ZFHX4: variants seen among roughly 807,000 people sequenced by gnomAD.
ZFHX4 encodes the protein zinc finger homeobox 4.
ZFHX4 carries 56 observed loss-of-function variants against 267.6 expected under a neutral mutation model. The ratio of observed to expected loss-of-function variants is 0.21; its 90% CI spans 0.17 to 0.26. ZFHX4 has a LOEUF of 0.26. Ranked by LOEUF, ZFHX4 falls within the 10% of genes least tolerant of loss-of-function variation. The pLI is 1.00. For missense variants in ZFHX4, 4,332 were observed against 4,420.0 expected (o/e 0.98, Z 0.56); for synonymous variants, 1,778 against 1,665.6 (o/e 1.07, Z -1.64).
chr8:76,734,894 A>G (rs1809117089), intron 3 of ZFHX4, among the ~76,000 whole-genome samples: 1 of 152,158 alleles, frequency 6.6e-6, no homozygotes, highest in Non-Finnish European at 1.5e-5. Context: ...AAATTGCTAC[A>G]TGTGCACACA....
chr8:76,803,780 C>A (rs1811178666), intron 4 of ZFHX4, among the ~76,000 whole-genome samples: 1 of 151,970 alleles, frequency 6.6e-6, no homozygotes, highest in Non-Finnish European at 1.5e-5. Flanking sequence ...ATATTTTTGC[C>A]TTATTATGTT....
chr8:76,717,242 A>G (rs1808599777), intron 3 of ZFHX4, among the ~76,000 whole-genome samples: 1 of 152,162 alleles, frequency 6.6e-6, no homozygotes, highest in Admixed American at 6.5e-5. Flanking sequence ...GATCCATTTT[A>G]GTTACAAGAC....
intron 10 of ZFHX4, among the ~76,000 whole-genome samples, chr8:76,857,756 A>C (rs947605060): frequency 6.6e-6 from 1 of 152,116 alleles, no homozygotes; most frequent in Admixed American, 6.5e-5. Flanking sequence ...TGGAGTCTTA[A>C]ATATTAGAGC....
intron 3 of ZFHX4, among the ~76,000 whole-genome samples, chr8:76,756,876 A>C (rs2131720870): frequency 6.6e-6 from 1 of 152,284 alleles, no homozygotes; most frequent in Middle Eastern, 3.4e-3. Context: ...GCAGGGTATA[A>C]ATTGCCAAAT....
At position 76,705,330 on chromosome 8, in the gene ZFHX4, A is replaced by C. The variant is rs903893020; in HGVS notation, c.1242A>C (p.Leu414Phe). ...TGAATCTGGGGGGGCTGTCTAGTTT[A>C]GTAGTGAACACCCCAATTACCTCTG... ...AEVNLGGLSS[L>F]VVNTPITSVS... The change falls in exon 2 of 11, where the codon TTA becomes TTC. Residue 414 changes from leucine (L) to phenylalanine (F), a missense_variant. Physicochemically the swap from Leu to Phe is conservative, Grantham distance 22. Transcript: ENST00000651372. The C allele has an allele frequency of 6.2e-7, 1 of 1,613,884 alleles. No homozygotes were observed.
rs201964276 is a variant in ZFHX4 at position 76,856,260 on chromosome 8, C to G, written c.9339C>G (p.Asn3113Lys). The G allele has an allele frequency of 7.9e-5, 127 of 1,613,896 alleles. No individual in the cohort carries two copies. The Admixed American group carries it at 9.2e-4, about 12-fold the overall frequency. ...CTCCAGTCCTTCTCCCCGGAATGAA[C>G]GGTCCATCCTCCTTGCCGGGATTTC... ...GLPPVLLPGM[N>K]GPSSLPGFPQ... is the part of the protein sequence containing the mutation. The change falls in exon 10 of 11, where the codon AAC becomes AAG. Residue 3113 changes from asparagine (N) to lysine (K), a missense_variant. Coordinates refer to ENST00000651372, the MANE Select transcript of ZFHX4 (RefSeq NM_024721.5).
intron 6 of ZFHX4, among the ~76,000 whole-genome samples, chr8:76,844,549 A>G (rs1434380090): frequency 6.6e-6 from 1 of 152,116 alleles, no homozygotes; most frequent in East Asian, 1.9e-4. Flanking sequence ...TACCAGTGCC[A>G]CTTACTGCTC....
intron 3 of ZFHX4, among the ~76,000 whole-genome samples, chr8:76,716,253 C>T (rs1348905132): frequency 6.6e-6 from 1 of 152,086 alleles, no homozygotes; most frequent in Non-Finnish European, 1.5e-5. Context: ...AAAAAACCCT[C>T]CTGATGCCAG....
chr8:76,751,201 T>G (rs1436656293), intron 3 of ZFHX4, among the ~76,000 whole-genome samples: 1 of 152,160 alleles, frequency 6.6e-6, no homozygotes, highest in Non-Finnish European at 1.5e-5. Context: ...GTTAAATCTT[T>G]CTGTTCATTG....
intron 3 of ZFHX4, among the ~76,000 whole-genome samples, chr8:76,753,616 A>T: frequency 2.3e-5 from 3 of 132,562 alleles, no homozygotes; most frequent in African/African-American, 2.8e-5. Flanking sequence ...CAGTCACTTC[A>T]TTCGTCTTAG....
chr8:76,794,291 T>G (rs1180294927), intron 4 of ZFHX4, among the ~76,000 whole-genome samples: 1 of 152,144 alleles, frequency 6.6e-6, no homozygotes, highest in Non-Finnish European at 1.5e-5. Context: ...ATGCAGGTAT[T>G]TCCCAATTTT....
intron 1 of ZFHX4, among the ~76,000 whole-genome samples, chr8:76,701,072 A>G (rs1808090505): frequency 6.6e-6 from 1 of 152,176 alleles, no homozygotes; most frequent in Non-Finnish European, 1.5e-5. Flanking sequence ...CATTGACGAC[A>G]GTGAAATCAC....
chr8:76,792,106 C>T (rs1210115012), intron 4 of ZFHX4, among the ~76,000 whole-genome samples: 2 of 152,086 alleles, frequency 1.3e-5, no homozygotes, highest in Admixed American at 6.6e-5. Context: ...ACAAATACTT[C>T]CAAAACCTAA....
chr8:76,849,988 AT>A, intron 8 of ZFHX4: 1 of 572,828 alleles, frequency 1.7e-6, no homozygotes, highest in East Asian at 2.9e-5. Flanking sequence ...GGCACCTTGC[AT>A]TTCAAACTTG....
At chr8:76,820,262 A>G (rs1038802701) in intron 4 of ZFHX4, among the ~76,000 whole-genome samples, 4 of 151,842 alleles carry the variant, frequency 2.6e-5, no homozygotes, top group Admixed American at 2.6e-4. Context: ...CACACTTTTT[A>G]TTTTTTTCAG....
At chr8:76,793,030 A>T (rs1389147505) in intron 4 of ZFHX4, among the ~76,000 whole-genome samples, 3 of 152,118 alleles carry the variant, frequency 2.0e-5, no homozygotes, top group Non-Finnish European at 2.9e-5. Context: ...CACAAAGGAG[A>T]ACACATCATT....
intron 3 of ZFHX4, among the ~76,000 whole-genome samples, chr8:76,713,682 G>C (rs978171934): frequency 6.6e-6 from 1 of 152,114 alleles, no homozygotes; most frequent in Non-Finnish European, 1.5e-5. Context: ...TTTTAATTAA[G>C]GGGAATGAAG....
chr8:76,802,065 A>C (rs1238419961), intron 4 of ZFHX4, among the ~76,000 whole-genome samples: 1 of 152,152 alleles, frequency 6.6e-6, no homozygotes, highest in Non-Finnish European at 1.5e-5. Flanking sequence ...TAGCTGCTTG[A>C]GGGATTCTCA....
intron 1 of ZFHX4, among the ~76,000 whole-genome samples, chr8:76,692,177 A>C (rs1481992755): frequency 2.0e-5 from 3 of 152,192 alleles, no homozygotes; most frequent in African/African-American, 7.2e-5. Context: ...GGACAGAAAC[A>C]GTTTTTCAAT....
Sources: gnomAD v4.1 joint callset for allele counts (sites outside exome capture counted in the v4.1 genomes callset) on GRCh38, gnomAD v4.1.1 for gene constraint, MANE v1.5 for transcripts, NCBI Gene and HGNC (gene_info 2026-07-23, HGNC 2026-07-21) for gene names.